Variants in TVP23A observed in about 807,000 individuals in gnomAD.
TVP23A encodes the protein Golgi apparatus membrane protein TVP23 homolog A.
A neutral mutation model predicts 31.7 loss-of-function variants in TVP23A; 21 were observed. The ratio of observed to expected loss-of-function variants is 0.66; its 90% CI spans 0.47 to 0.95. The LOEUF (loss-of-function observed/expected upper bound fraction) is 0.95, where lower values mean the gene tolerates loss of function less well. Among genes scored for constraint, TVP23A ranks in the 40% least tolerant of loss-of-function variants. The pLI is 0.00. For missense variants in TVP23A, 279 were observed against 255.6 expected (o/e 1.09, Z -0.62); for synonymous variants, 104 against 96.0 (o/e 1.08, Z -0.49).
chr16:10,802,838 G>T (rs1051133212), intron 2 of TVP23A, among the ~76,000 whole-genome samples: 1 of 152,100 alleles, frequency 6.6e-6, no homozygotes, highest in Admixed American at 6.6e-5. Flanking sequence ...TGTATTTTAG[G>T]TTCCATGTTT....
chr16:10,768,215 C>A lies in TVP23A; in HGVS notation c.*887G>T. 2 of 457,878 alleles carry A rather than the reference C, an allele frequency of 4.4e-6. No individual in the cohort carries two copies. Among genetic ancestry groups the A allele is most frequent in the Non-Finnish European group, 7.8e-6 (2 of 257,150 alleles). 28.4% of individuals were successfully genotyped at this position (457,878 alleles called of 1,614,324 possible). On this transcript the variant is annotated 3_prime_UTR_variant, in exon 8 of 8. Coordinates refer to ENST00000299866, the MANE Select transcript of TVP23A (RefSeq NM_001079512.4). This position sits in a 1 kb window ranked among gnomAD's most constrained non-coding sequence, Gnocchi z 4.3. Reference sequence around the variant, plus strand: ...AATGTGTGAGTATTGTGAATTAATTCATAGTTTAAAAAACATGGTGAGGGT... The same window carrying A: ...AATGTGTGAGTATTGTGAATTAATTAATAGTTTAAAAAACATGGTGAGGGT...
intron 2 of TVP23A, among the ~76,000 whole-genome samples, chr16:10,778,141 G>C (rs980796380): frequency 6.6e-6 from 1 of 151,878 alleles, no homozygotes; most frequent in South Asian, 2.1e-4. Context: ...CAAGACCAGC[G>C]TGGCCAACAT....
chr16:10,800,030 T>TTTTTC (rs1407349321), intron 2 of TVP23A, among the ~76,000 whole-genome samples: 22 of 137,672 alleles, frequency 1.6e-4, no homozygotes, highest in African/African-American at 4.4e-4. Context: ...TTTTTTTTTT[T>TTTTTC]TCGCACTGGC....
At chr16:10,761,064 AC>A, downstream of TVP23A, 1 of 283,980 alleles carries the variant, frequency 3.5e-6, no homozygotes, top group Non-Finnish European at 6.8e-6. Context: ...ACTGTCAAAC[AC>A]TTACAAAACC....
chr16:10,778,803 TA>T (rs1301737304), intron 2 of TVP23A, among the ~76,000 whole-genome samples: 2 of 152,122 alleles, frequency 1.3e-5, no homozygotes, highest in Non-Finnish European at 2.9e-5. Context: ...CTATCTCTAC[TA>T]AAACTACAAA....
chr16:10,784,858 T>C (rs1266491518), intron 2 of TVP23A, among the ~76,000 whole-genome samples: 5 of 152,106 alleles, frequency 3.3e-5, no homozygotes, highest in African/African-American at 1.2e-4. Flanking sequence ...CCCAGCACTT[T>C]GGGAGGCCGA....
chr16:10,785,216 C>A (rs968587290), intron 2 of TVP23A, among the ~76,000 whole-genome samples: 9 of 152,122 alleles, frequency 5.9e-5, no homozygotes, highest in African/African-American at 2.2e-4. Flanking sequence ...ACCAGCCTGG[C>A]CAACATGGTG....
intron 6 of TVP23A, 23 bp from the exon 7 acceptor site, chr16:10,770,354 T>C (rs2031487103): frequency 1.3e-6 from 2 of 1,550,296 alleles, no homozygotes; most frequent in Non-Finnish European, 1.7e-6. Flanking sequence ...AAGTCAACCA[T>C]GGTTTTCTGT....
chr16:10,774,119 C>G lies in TVP23A; in HGVS notation c.244G>C (p.Gly82Arg), dbSNP rs564537498. 6.2e-7 allele frequency: 1 copy of G among 1,608,492 alleles called. No homozygotes were observed. The highest frequency in any genetic ancestry group is 1.3e-5 in the African/African-American group (1 of 74,940). Residue 82 changes from glycine (G) to arginine (R), a missense_variant, in exon 4 of 8, where the codon GGA becomes CGA. Transcript: ENST00000299866. ...CATCGAAGGCCCACCAGGAGTCTTC[C>G]GGTTACATTCTGAGAACAATAGACA... ...LDFWSVKNVT[G>R]RLLVGLRWWN...
chr16:10,783,328 C>T (rs964111696), intron 2 of TVP23A, among the ~76,000 whole-genome samples: 2 of 152,298 alleles, frequency 1.3e-5, no homozygotes, highest in Middle Eastern at 6.8e-3. Flanking sequence ...AAGCAACACA[C>T]AAATATTTAT....
downstream of TVP23A, among the ~76,000 whole-genome samples, chr16:10,764,587 CTA>C (rs1240008374): frequency 6.6e-6 from 1 of 150,542 alleles, no homozygotes; most frequent in Non-Finnish European, 1.5e-5. Flanking sequence ...GTATGTCAGT[CTA>C]TTGGAGCATC....
chr16:10,804,860 G>A (rs2033869920), intron 2 of TVP23A, among the ~76,000 whole-genome samples: 3 of 152,118 alleles, frequency 2.0e-5, no homozygotes, highest in Admixed American at 1.3e-4. Flanking sequence ...GTGGCATGAA[G>A]GGAACAATTC....
rs1159613303 is a variant in TVP23A, at chr16:10,777,160, C to T, written c.90-2064G>A. Among the ~76,000 whole-genome samples the T allele has an allele frequency of 2.6e-5, 4 of 152,038 alleles. No individual in the cohort carries two copies. Among genetic ancestry groups the T allele is most frequent in the Non-Finnish European group, 1.5e-5 (1 of 68,020 alleles). Reference sequence around the variant, plus strand: ...GTGATGGATGAGAATGAAACCCGCACCTCAGGGCAGGGGAGGAAAAGGGAG... The same window carrying T: ...GTGATGGATGAGAATGAAACCCGCATCTCAGGGCAGGGGAGGAAAAGGGAG... On this transcript the variant is annotated intron_variant, in intron 2 of 7. Transcript: ENST00000299866. This position sits in a 1 kb window ranked among gnomAD's most constrained non-coding sequence, Gnocchi z 4.5.
chr16:10,770,642 G>C (rs961689550), intron 6 of TVP23A, among the ~76,000 whole-genome samples: 1 of 151,508 alleles, frequency 6.6e-6, no homozygotes, highest in African/African-American at 2.4e-5. Context: ...GGAGGCCAAG[G>C]CTGGTAGATC....
intron 3 of TVP23A, 145 bp downstream of exon 3, chr16:10,774,806 TC>T: frequency 1.5e-6 from 1 of 686,742 alleles, no homozygotes; most frequent in Non-Finnish European, 2.4e-6. Context: ...AGACGGGGTT[TC>T]TCCATTCCCC....
intron 6 of TVP23A, 85 bp from the exon 7 acceptor site, chr16:10,770,416 C>A (rs184924280): frequency 1.4e-6 from 2 of 1,447,824 alleles, no homozygotes; most frequent in Admixed American, 2.5e-5. Flanking sequence ...AGAAAACCCA[C>A]AAAGTACAGA....
intron 2 of TVP23A, among the ~76,000 whole-genome samples, chr16:10,776,576 A>G (rs956205943): frequency 3.3e-5 from 5 of 152,184 alleles, no homozygotes; most frequent in African/African-American, 9.7e-5. Context: ...GCACGAGCCC[A>G]GTTGTTATAC....
chr16:10,796,966 G>A (rs951337973), intron 2 of TVP23A, among the ~76,000 whole-genome samples: 6 of 152,064 alleles, frequency 3.9e-5, no homozygotes, highest in African/African-American at 1.4e-4. Context: ...GAGGCAGGAA[G>A]GTGACTTGAG....
downstream of TVP23A, among the ~76,000 whole-genome samples, chr16:10,762,314 G>A (rs984539161): frequency 1.3e-5 from 2 of 152,188 alleles, no homozygotes; most frequent in African/African-American, 4.8e-5. Flanking sequence ...AGACCGGAAC[G>A]CGGATCACTG....
Sources: allele counts gnomAD v4.1 joint callset (sites outside exome capture counted in the v4.1 genomes callset), GRCh38; gene constraint gnomAD v4.1.1; non-coding constraint Gnocchi (gnomAD v3.1); transcripts MANE v1.5; gene names NCBI Gene and HGNC (gene_info 2026-07-23, HGNC 2026-07-21).